The following CARD8 variants were observed in gnomAD, a reference collection of about 807,000 sequenced individuals.
The protein encoded by CARD8 is caspase recruitment domain-containing protein 8.
A neutral mutation model predicts 53.2 loss-of-function variants in CARD8; 38 were observed. That is an observed-to-expected ratio of 0.71 (90% confidence interval 0.55 to 0.94). CARD8 has a LOEUF of 0.94. CARD8 is among the 40% of genes least tolerant of loss of function. The pLI is 0.00. For synonymous variants in CARD8, 245 were observed against 244.9 expected, an observed-to-expected ratio of 1.00 and a Z score of 0.00; for missense variants, 561 against 655.5, an observed-to-expected ratio of 0.86 and a Z score of 1.57.
intron 7 of CARD8, chr19:48,232,031 C>T (rs1316954152): frequency 1.6e-6 from 1 of 622,460 alleles, no homozygotes; most frequent in South Asian, 1.7e-5. Context: ...TTCCATAAGA[C>T]TTTCTGGGAA....
chr19:48,231,101 A>C, intron 8 of CARD8, 95 bp from the exon 9 acceptor site: 1 of 1,007,170 alleles, frequency 9.9e-7, no homozygotes. Flanking sequence ...AAGTGAGGCA[A>C]GGTTCAGGAC....
At chr19:48,207,165 C>CAAAAAAAAAA (rs71334273), downstream of CARD8, among the ~76,000 whole-genome samples, 1 of 81,828 alleles carries the variant, frequency 1.2e-5, no homozygotes, top group Non-Finnish European at 2.3e-5. Flanking sequence ...GACTCTGTCT[C>CAAAAAAAAAA]AAAAAAAAAA....
chr19:48,226,744 A>G (rs1183450743), intron 10 of CARD8, among the ~76,000 whole-genome samples: 1 of 152,184 alleles, frequency 6.6e-6, no homozygotes. Context: ...CTGGCAGTGA[A>G]GCTGAACGGA....
At chr19:48,221,357 A>G (rs189067488) in intron 11 of CARD8, among the ~76,000 whole-genome samples, 10 of 152,384 alleles carry the variant, frequency 6.6e-5, no homozygotes, top group Admixed American at 6.5e-4. Flanking sequence ...TTAAAAATAT[A>G]TAAAATGAAA....
chr19:48,253,105 G>A (rs2047145490), intron 1 of CARD8, among the ~76,000 whole-genome samples: 1 of 152,148 alleles, frequency 6.6e-6, no homozygotes, highest in African/African-American at 2.4e-5. Flanking sequence ...AGATTATACA[G>A]AATGTTTGTG....
At chr19:48,246,111 G>A (rs1007125657) in intron 3 of CARD8, among the ~76,000 whole-genome samples, 1 of 152,024 alleles carries the variant, frequency 6.6e-6, no homozygotes, top group Non-Finnish European at 1.5e-5. Context: ...GTCTGTGACC[G>A]TTTCTTATTC....
intron 6 of CARD8, chr19:48,233,664 G>A (rs747364277): frequency 3.3e-5 from 9 of 272,732 alleles, no homozygotes; most frequent in Middle Eastern, 1.3e-3. Flanking sequence ...GGAACCCAGC[G>A]CTGAACTGCA....
chr19:48,205,810 A>G (rs2037322176), downstream of CARD8, among the ~76,000 whole-genome samples: 1 of 152,226 alleles, frequency 6.6e-6, no homozygotes, highest in Non-Finnish European at 1.5e-5. Flanking sequence ...GGAGTGAGGC[A>G]TGATGGGAGC....
At chr19:48,237,801 A>G (rs2044189924) in intron 5 of CARD8, among the ~76,000 whole-genome samples, 1 of 151,932 alleles carries the variant, frequency 6.6e-6, no homozygotes, top group Non-Finnish European at 1.5e-5. Flanking sequence ...CGTCTCAAAA[A>G]AAAAAGAAAA....
intron 10 of CARD8, among the ~76,000 whole-genome samples, chr19:48,226,592 G>A (rs2041836940): frequency 6.6e-6 from 1 of 152,184 alleles, no homozygotes; most frequent in South Asian, 2.1e-4. Context: ...GCATGTAATG[G>A]GGGTATTACT....
At chr19:48,207,744 T>C (rs79583628), downstream of CARD8, among the ~76,000 whole-genome samples, 9 of 90,324 alleles carry the variant, frequency 1.0e-4, no homozygotes, top group African/African-American at 1.8e-4. Context: ...GTTTTTTTTT[T>C]TTTTTTTTTG....
Position 48,231,780 on chromosome 19 carries a change from A to T in CARD8, c.422T>A (p.Val141Asp), listed in dbSNP as rs777050773. 1.9e-6 allele frequency: 3 copies of T among 1,613,862 alleles called. No homozygotes were observed. In the South Asian group the frequency reaches 3.3e-5, roughly 18 times the overall value. Residue 141 changes from valine to aspartate, a missense_variant, in exon 8 of 14, where the codon GTT becomes GAT. By Grantham distance (152) the Val-to-Asp change is radical. Coordinates refer to ENST00000651546, the MANE Select transcript of CARD8 (RefSeq NM_001184900.3). ...GDICSEENQI[V>D]SSYASKVCFE... ...ACAGACTTTAGAAGCATAAGAGGAA[A>T]CTATTTGATTCTCTTCTGAGCAAAT...
chr19:48,245,223 T>C (rs914632081), intron 3 of CARD8, among the ~76,000 whole-genome samples: 4 of 152,202 alleles, frequency 2.6e-5, no homozygotes, highest in Admixed American at 6.5e-5. Flanking sequence ...TCTTTTTTTT[T>C]CTTTGAGACG....
Position 48,218,990 on chromosome 19 carries a change from C to A in CARD8, c.1184G>T (p.Ser395Ile), listed in dbSNP as rs779603594. The A allele has an allele frequency of 1.2e-6, 2 of 1,613,918 alleles. No homozygotes were observed. The highest frequency in any genetic ancestry group is 1.7e-6 in the Non-Finnish European group (2 of 1,179,948). Residue 395 changes from serine to isoleucine, a missense_variant, in exon 12 of 14, where the codon AGC becomes ATC. By Grantham distance (142) the Ser-to-Ile change is moderately radical (BLOSUM62 -2). Coordinates refer to ENST00000651546, the MANE Select transcript of CARD8 (RefSeq NM_001184900.3). ...MPKELKLSYR[S>I]PGEIQHFSKF... ...TGAGAAGTGCTGAATTTCTCCAGGG[C>A]TCCTGTAGGACAATTTCAACTCCTA...
chr19:48,247,511 T>C (rs1287881167), intron 3 of CARD8, among the ~76,000 whole-genome samples: 2 of 152,066 alleles, frequency 1.3e-5, no homozygotes, highest in African/African-American at 4.8e-5. Flanking sequence ...AAGAAAGGCA[T>C]AGTAAACAAC....
At chr19:48,204,084 TGTG>T (rs1290186319), downstream of CARD8, 11 of 445,650 alleles carry the variant, frequency 2.5e-5, no homozygotes, top group African/African-American at 2.2e-4. Context: ...CGCTGAGCAT[TGTG>T]GGGCCCGCTT....
chr19:48,232,156 C>T, intron 7 of CARD8: 1 of 557,556 alleles, frequency 1.8e-6, no homozygotes, highest in South Asian at 2.0e-5. Context: ...GAGGAAAGTC[C>T]AGGTCAGAAA....
intron 13 of CARD8, 96 bp downstream of exon 13, chr19:48,215,244 T>C: frequency 1.2e-6 from 1 of 866,074 alleles, no homozygotes; most frequent in Non-Finnish European, 1.9e-6. Flanking sequence ...CCAGTAACGT[T>C]CTGGTGCCAT....
chr19:48,254,630 G>A (rs1380107222), intron 1 of CARD8, among the ~76,000 whole-genome samples: 3 of 152,108 alleles, frequency 2.0e-5, no homozygotes, highest in Non-Finnish European at 4.4e-5. Flanking sequence ...GTGGGCACCT[G>A]TAGTCGCAGC....
Sources: allele counts gnomAD v4.1 joint callset (sites outside exome capture counted in the v4.1 genomes callset), GRCh38; gene constraint gnomAD v4.1.1; transcripts MANE v1.5; gene names NCBI Gene and HGNC (gene_info 2026-07-23, HGNC 2026-07-21).